The following TRPA1 variants were observed in gnomAD, a reference collection of about 807,000 sequenced individuals.
TRPA1 encodes ankyrin-like with transmembrane domains 1.
A neutral mutation model predicts 131.3 loss-of-function variants in TRPA1; 129 were observed. The ratio of observed to expected loss-of-function variants is 0.98; its 90% CI spans 0.85 to 1.14. The LOEUF is 1.14. Ranked by LOEUF, TRPA1 falls within the 50% of genes most tolerant of loss-of-function variation. The pLI, the probability that TRPA1 is intolerant of heterozygous loss-of-function variation, is 0.00. For missense variants in TRPA1, 1,304 were observed against 1,354.2 expected (o/e 0.96, Z 0.58); for synonymous variants, 441 against 451.7 (o/e 0.98, Z 0.30).
chr8:72,053,045 A>C, intron 13 of TRPA1: 3 of 277,198 alleles, frequency 1.1e-5, no homozygotes, highest in African/African-American at 6.3e-5. Flanking sequence ...GAGAGAGAGA[A>C]TGAATTCCAA....
At position 72,022,319 on chromosome 8, in the gene TRPA1, G is replaced by T; in HGVS notation, c.*587C>A. 1.2e-5 allele frequency: 2 copies of T among 166,280 alleles called. No individual in the cohort carries two copies. The highest frequency in any genetic ancestry group is 2.6e-5 in the Non-Finnish European group (2 of 76,026). The allele number at this position is 166,280 out of a possible 1,614,324, so 10.3% of individuals were successfully genotyped here. A position where few individuals can be genotyped will look rare whatever the true frequency, so the allele number is the denominator to read the frequency against. ...TATTAATTTGTACTTCAACTATATG[G>T]CTCAAAGTGACATCAGGTGTGTTGG... On this transcript the variant is annotated 3_prime_UTR_variant, in exon 27 of 27. Transcript: ENST00000262209.
intron 4 of TRPA1, among the ~76,000 whole-genome samples, chr8:72,064,240 A>G (rs993897717): frequency 2.2e-5 from 3 of 138,532 alleles, no homozygotes; most frequent in Non-Finnish European, 4.6e-5. Context: ...TCTATACATA[A>G]TAGTCCAGAA....
intron 23 of TRPA1, among the ~76,000 whole-genome samples, chr8:72,032,456 T>A (rs1019358997): frequency 3.9e-5 from 6 of 152,210 alleles, no homozygotes; most frequent in Middle Eastern, 3.2e-3. Flanking sequence ...AGAGACTATC[T>A]GCCAATGATC....
intron 21 of TRPA1, among the ~76,000 whole-genome samples, chr8:72,035,838 T>C (rs932591817): frequency 2.0e-5 from 3 of 151,940 alleles, no homozygotes; most frequent in Admixed American, 6.6e-5. Context: ...AGACCAGTGT[T>C]CTTGACCTGG....
At chr8:72,040,118 A>G (rs1204486656) in intron 17 of TRPA1, among the ~76,000 whole-genome samples, 1 of 152,148 alleles carries the variant, frequency 6.6e-6, no homozygotes, top group Non-Finnish European at 1.5e-5. Flanking sequence ...TTATACCCTC[A>G]TTGTGTCCTT....
intron 24 of TRPA1, 137 bp downstream of exon 24, chr8:72,029,764 A>G (rs757089416): frequency 1.7e-5 from 15 of 893,146 alleles, no homozygotes; most frequent in Non-Finnish European, 2.5e-5. Flanking sequence ...AATGGCACAT[A>G]CTTTACAGTG....
chr8:72,075,510 G>T lies in TRPA1; in HGVS notation c.-101C>A. ...GCCTGCCAGGCGCTGGGGTCCGCGC[G>T]AGCCCGAGCTCTCCCGCGCTGCAGC... On this transcript the variant is annotated 5_prime_UTR_variant, in exon 1 of 27. Coordinates refer to ENST00000262209, the MANE Select transcript of TRPA1 (RefSeq NM_007332.3). The T allele has an allele frequency of 3.1e-6, 3 of 959,362 alleles. No individual in the cohort carries two copies. The highest frequency in any genetic ancestry group is 3.3e-6 in the Non-Finnish European group (2 of 603,236). The allele number at this position is 959,362 out of a possible 1,614,324, so 59.4% of individuals were successfully genotyped here.
intron 2 of TRPA1, among the ~76,000 whole-genome samples, chr8:72,071,315 A>G (rs1360807263): frequency 1.3e-5 from 2 of 152,210 alleles, no homozygotes; most frequent in Non-Finnish European, 2.9e-5. Flanking sequence ...AGAGTGTACA[A>G]GGCTGGCATC....
upstream of TRPA1, among the ~76,000 whole-genome samples, chr8:72,077,295 G>T (rs866203624): frequency 0.012 from 1,723 of 147,226 alleles, 51 homozygotes; most frequent in African/African-American, 0.04. Flanking sequence ...AGGGGTGGGG[G>T]GGGGGGCAGC....
upstream of TRPA1, among the ~76,000 whole-genome samples, chr8:72,078,954 A>G (rs1460658762): frequency 2.0e-5 from 3 of 152,012 alleles, no homozygotes; most frequent in South Asian, 6.2e-4. Flanking sequence ...GATCATTCTA[A>G]TGGTATATAC....
intron 17 of TRPA1, among the ~76,000 whole-genome samples, chr8:72,041,888 T>C (rs955640146): frequency 7.9e-5 from 12 of 151,308 alleles, no homozygotes; most frequent in Non-Finnish European, 8.9e-5. Context: ...TAATAGAGAA[T>C]AGAAAAACAA....
At chr8:72,039,941 T>A (rs1585853610) in intron 17 of TRPA1, 144 bp from the exon 18 acceptor site, 2 of 641,036 alleles carry the variant, frequency 3.1e-6, no homozygotes, top group South Asian at 1.9e-5. Flanking sequence ...AAATAAAAAT[T>A]AGATCAAGGT....
the TRPA1 span, among the ~76,000 whole-genome samples, chr8:72,082,669 A>G: frequency 1.3e-5 from 2 of 151,644 alleles, no homozygotes; most frequent in African/African-American, 4.9e-5. Flanking sequence ...TTCAATGAGA[A>G]GTCAACAAAT....
intron 17 of TRPA1, 87 bp from the exon 18 acceptor site, chr8:72,039,884 CTG>C (rs1812192124): frequency 3.3e-6 from 3 of 921,116 alleles, no homozygotes; most frequent in South Asian, 1.3e-5. Flanking sequence ...GGTTTTATAA[CTG>C]TGTTTGGTAT....
At chr8:72,080,886 G>A in the TRPA1 span, among the ~76,000 whole-genome samples, 3 of 151,728 alleles carry the variant, frequency 2.0e-5, no homozygotes, top group African/African-American at 7.2e-5. Flanking sequence ...CTTGTAGGGT[G>A]TGTAATAATG....
At chr8:72,041,927 G>C (rs1300780152) in intron 17 of TRPA1, among the ~76,000 whole-genome samples, 1 of 151,582 alleles carries the variant, frequency 6.6e-6, no homozygotes, top group Non-Finnish European at 1.5e-5. Context: ...ACCAAGAATT[G>C]GTTTTTTGAA....
rs142638995 is a variant in TRPA1 at position 72,055,062 on chromosome 8, G to T, written c.1529+374C>A. ...GTATGTTTTGTGTGTGTGTGTACGTGCATACACACATACACAACCACAGTT... is the reference window on the plus strand; with the variant it reads ...GTATGTTTTGTGTGTGTGTGTACGTTCATACACACATACACAACCACAGTT... On this transcript the variant is annotated intron_variant, in intron 12 of 26. Coordinates refer to ENST00000262209, the MANE Select transcript of TRPA1 (RefSeq NM_007332.3). 3.3e-4 allele frequency: 80 copies of T among 239,422 alleles called. 1 individual carries two copies. The highest frequency in any genetic ancestry group is 1.8e-3 in the African/African-American group (78 of 42,798). The allele number at this position is 239,422 out of a possible 1,614,324, so 14.8% of individuals were successfully genotyped here. A position where few individuals can be genotyped will look rare whatever the true frequency, so the allele number is the denominator to read the frequency against.
rs1010239518 is a variant in TRPA1, at chr8:72,022,617, T to A, written c.*289A>T. On this transcript the variant is annotated 3_prime_UTR_variant, in exon 27 of 27. Transcript: ENST00000262209. ...ATTTATTACTTCTTTTCATTAAAAA[T>A]GTGTGTTCTAGCAAATTCATTTTCT... The A allele has an allele frequency of 7.2e-5, 35 of 486,496 alleles. No individual in the cohort carries two copies. The highest frequency in any genetic ancestry group is 2.7e-4 in the Admixed American group (8 of 29,984). 30.1% of individuals were successfully genotyped at this position (486,496 alleles called of 1,614,324 possible).
At chr8:72,063,033 A>T in intron 5 of TRPA1, 89 bp from the exon 6 acceptor site, 1 of 1,290,444 alleles carries the variant, frequency 7.7e-7, no homozygotes, top group Non-Finnish European at 1.1e-6. Context: ...AAAGGTAAAA[A>T]AACAATGAAA....
Sources: gnomAD v4.1 joint callset for allele counts (sites outside exome capture counted in the v4.1 genomes callset) on GRCh38, gnomAD v4.1.1 for gene constraint, MANE v1.5 for transcripts, NCBI Gene and HGNC (gene_info 2026-07-23, HGNC 2026-07-21) for gene names.